Variants in NPEPPS observed in about 807,000 individuals in gnomAD.
The protein encoded by NPEPPS is aminopeptidase puromycin sensitive, also known as puromycin-sensitive aminopeptidase.
NPEPPS carries 14 observed loss-of-function variants against 115.5 expected under a neutral mutation model. That is an observed-to-expected ratio of 0.12 (90% confidence interval 0.08 to 0.19). The LOEUF (loss-of-function observed/expected upper bound fraction) is 0.19. Among genes scored for constraint, NPEPPS ranks in the 10% least tolerant of loss-of-function variants. The pLI is 1.00. For synonymous variants in NPEPPS, 285 were observed against 390.6 expected (o/e 0.73, Z 3.19); for missense variants, 523 against 1,110.8 (o/e 0.47, Z 7.52).
chr17:47,548,672 GTTCAAGCAA>G (rs1443076935), intron 2 of NPEPPS, among the ~76,000 whole-genome samples: 4 of 147,956 alleles, frequency 2.7e-5, no homozygotes, highest in Non-Finnish European at 1.5e-5. Flanking sequence ...CGCCTCTGGG[GTTCAAGCAA>G]TTCTTCTGCC....
chr17:47,526,754 C>A (rs1907450997), upstream of NPEPPS, among the ~76,000 whole-genome samples: 1 of 151,504 alleles, frequency 6.6e-6, no homozygotes, highest in South Asian at 2.1e-4. Context: ...GTCAGGAGAT[C>A]GAGACCATCC....
At chr17:47,536,614 C>T (rs545784466) in intron 1 of NPEPPS, among the ~76,000 whole-genome samples, 3 of 150,998 alleles carry the variant, frequency 2.0e-5, no homozygotes, top group South Asian at 2.1e-4. Flanking sequence ...AGGCTGGTCT[C>T]GAACTCCCGA....
At chr17:47,569,275 A>G in intron 2 of NPEPPS, 142 bp from the exon 3 acceptor site, 1 of 607,174 alleles carries the variant, frequency 1.6e-6, no homozygotes, top group Non-Finnish European at 3.0e-6. Flanking sequence ...ATTTGAAATG[A>G]AACTCTTGCT....
At chr17:47,588,748 G>A (rs1272427869) in intron 9 of NPEPPS, among the ~76,000 whole-genome samples, 1 of 152,008 alleles carries the variant, frequency 6.6e-6, no homozygotes, top group Non-Finnish European at 1.5e-5. Context: ...ATTTTAGTAG[G>A]GGAAATGTGT....
intron 1 of NPEPPS, among the ~76,000 whole-genome samples, chr17:47,535,055 T>TAACA (rs1211718543): frequency 8.1e-5 from 12 of 148,302 alleles, no homozygotes; most frequent in Admixed American, 8.1e-4. Context: ...CCATCCTGGC[T>TAACA]AACACGGTGA....
chr17:47,594,519 T>G (rs1054987327), intron 12 of NPEPPS, among the ~76,000 whole-genome samples: 2 of 151,688 alleles, frequency 1.3e-5, no homozygotes, highest in Non-Finnish European at 2.9e-5. Context: ...CAAGTGATTC[T>G]CCTGCCTCAG....
At chr17:47,581,155 TTTC>T (rs1417078951) in intron 4 of NPEPPS, 1 of 151,954 alleles carries the variant, frequency 6.6e-6, no homozygotes, top group African/African-American at 2.4e-5. Flanking sequence ...GACTAAAATG[TTTC>T]TTCTTCCTTT....
intron 19 of NPEPPS, among the ~76,000 whole-genome samples, chr17:47,617,697 C>A (rs965721191): frequency 7.2e-5 from 11 of 152,014 alleles, no homozygotes; most frequent in African/African-American, 2.7e-4. Flanking sequence ...GTTTGTTCTT[C>A]TAAAACAGAA....
chr17:47,551,981 CT>C (rs1399275639), intron 2 of NPEPPS, among the ~76,000 whole-genome samples: 2 of 90,920 alleles, frequency 2.2e-5, no homozygotes, highest in Non-Finnish European at 2.1e-5. Context: ...TTTTTTTTTT[CT>C]TTTTTTTTTG....
At chr17:47,533,891 T>C (rs189361759) in intron 1 of NPEPPS, among the ~76,000 whole-genome samples, 1 of 152,290 alleles carries the variant, frequency 6.6e-6, no homozygotes, top group Non-Finnish European at 1.5e-5. Flanking sequence ...GATGACACAA[T>C]AGTGAATTCC....
intron 2 of NPEPPS, among the ~76,000 whole-genome samples, chr17:47,546,277 T>C (rs1469904305): frequency 2.0e-5 from 3 of 151,922 alleles, no homozygotes; most frequent in African/African-American, 7.3e-5. Flanking sequence ...AACAGAAATA[T>C]TAGCTAGGCA....
chr17:47,599,879 G>T, intron 14 of NPEPPS, 140 bp downstream of exon 14: 1 of 683,192 alleles, frequency 1.5e-6, no homozygotes, highest in Non-Finnish European at 2.5e-6. Flanking sequence ...GTGCCATAGC[G>T]TGATCTTGGC....
At chr17:47,557,630 T>C (rs1331076222) in intron 2 of NPEPPS, 1 of 149,364 alleles carries the variant, frequency 6.7e-6, no homozygotes, top group Non-Finnish European at 1.5e-5. Context: ...AATGTACTGC[T>C]TTTAGCTGCA....
chr17:47,536,486 C>A (rs1411062349), intron 1 of NPEPPS, among the ~76,000 whole-genome samples: 3 of 146,760 alleles, frequency 2.0e-5, no homozygotes, highest in South Asian at 4.3e-4. Flanking sequence ...TCTGCCCCCC[C>A]AGGTTCAAGC....
intron 13 of NPEPPS, among the ~76,000 whole-genome samples, chr17:47,596,855 C>T (rs1597874980): frequency 6.6e-6 from 1 of 152,104 alleles, no homozygotes; most frequent in Non-Finnish European, 1.5e-5. Flanking sequence ...TGAGGCCAGC[C>T]CGGCCAATGT....
rs1913226475 is a variant in NPEPPS at position 47,601,974 on chromosome 17, A to G, written c.1740+227A>G. 3 of 219,702 alleles carry G rather than the reference A, an allele frequency of 1.4e-5. No individual in the cohort carries two copies. In the East Asian group the frequency reaches 3.5e-4, roughly 25 times the overall value. 13.6% of individuals were successfully genotyped at this position (219,702 alleles called of 1,614,324 possible). On this transcript the variant is annotated intron_variant, in intron 15 of 22. Coordinates refer to ENST00000322157, the MANE Select transcript of NPEPPS (RefSeq NM_006310.4). ...AAGGCATAGGACTAAGGAGGAGAAG[A>G]AAAAAAAAAAAGTAGACTGAGTGTA...
intron 5 of NPEPPS, among the ~76,000 whole-genome samples, chr17:47,583,544 C>G (rs1331207465): frequency 6.6e-6 from 1 of 151,682 alleles, no homozygotes; most frequent in African/African-American, 2.4e-5. Flanking sequence ...GAGATCACAC[C>G]ACTGCACTCC....
chr17:47,540,073 T>G (rs756736775), intron 1 of NPEPPS, among the ~76,000 whole-genome samples: 1 of 152,234 alleles, frequency 6.6e-6, no homozygotes, highest in Non-Finnish European at 1.5e-5. Context: ...GAAAATGTTA[T>G]CTCCGATTTC....
chr17:47,617,744 A>G (rs17609098), intron 19 of NPEPPS, among the ~76,000 whole-genome samples: 1,942 of 152,342 alleles, frequency 0.013, 18 homozygotes, highest in South Asian at 0.057. Flanking sequence ...GAATTTGGCT[A>G]TGATAGATTT....
Sources: gnomAD v4.1 joint callset for allele counts (sites outside exome capture counted in the v4.1 genomes callset) on GRCh38, gnomAD v4.1.1 for gene constraint, MANE v1.5 for transcripts, NCBI Gene and HGNC (gene_info 2026-07-23, HGNC 2026-07-21) for gene names.